The following BLVRA variants were observed in gnomAD, a reference collection of about 807,000 sequenced individuals.
The protein encoded by BLVRA is BVR A.
A neutral mutation model predicts 32.8 loss-of-function variants in BLVRA; 22 were observed. The observed-to-expected ratio is 0.67, with a 90% CI of 0.48 to 0.96. BLVRA has a LOEUF of 0.96. BLVRA is among the 40% of genes least tolerant of loss of function. The probability of loss-of-function intolerance (pLI) is 0.00; values close to 1 mark genes in which losing one functional copy is unlikely to be tolerated. For synonymous variants in BLVRA, 119 were observed against 141.3 expected (o/e 0.84, Z 1.12); for missense variants, 323 against 358.1 (o/e 0.90, Z 0.79).
chr7:43,792,669 G>A (rs1183644241), intron 4 of BLVRA, 46 bp from the exon 5 acceptor site: 1 of 1,529,582 alleles, frequency 6.5e-7, no homozygotes, highest in African/African-American at 1.4e-5. Context: ...TTTCAGTGAA[G>A]CTTATTCGAA....
At chr7:43,801,178 G>T (rs3094951) in intron 6 of BLVRA, among the ~76,000 whole-genome samples, 121,408 of 151,946 alleles carry the variant, frequency 0.8, 48,603 homozygotes, top group Admixed American at 0.85. Context: ...TTTAAAATTT[G>T]TGTAAACAGT....
At chr7:43,769,446 G>T (rs1001429612) in intron 1 of BLVRA, among the ~76,000 whole-genome samples, 26 of 152,034 alleles carry the variant, frequency 1.7e-4, no homozygotes, top group African/African-American at 6.0e-4. Flanking sequence ...CTTCTAGTAG[G>T]TTCCCTTTTT....
intron 1 of BLVRA, among the ~76,000 whole-genome samples, chr7:43,760,357 T>C (rs1427175802): frequency 6.6e-6 from 1 of 152,152 alleles, no homozygotes; most frequent in Non-Finnish European, 1.5e-5. Flanking sequence ...ACTGAAAATC[T>C]GGTAAAATAC....
At position 43,806,962 on chromosome 7, in the gene BLVRA, CTT is replaced by C. The variant is rs1349618898; in HGVS notation, c.633-12_633-11del. On this transcript the variant is annotated splice_polypyrimidine_tract_variant and intron_variant, in intron 7 of 7. Transcript: ENST00000265523. ...GTAATCTCTAACATGATTCTTTTGT[CTT>C]TTGTCTTTGCAGTCCACTGTCATGG... 6.2e-7 allele frequency: 1 copy of C among 1,613,238 alleles called. No individual in the cohort carries two copies. The highest frequency in any genetic ancestry group is 1.3e-5 in the African/African-American group (1 of 74,884).
intron 2 of BLVRA, among the ~76,000 whole-genome samples, chr7:43,771,690 G>C (rs1489201701): frequency 6.6e-6 from 1 of 152,174 alleles, no homozygotes; most frequent in Non-Finnish European, 1.5e-5. Flanking sequence ...TTTCCCACTT[G>C]TCCTGTCCAT....
chr7:43,773,143 T>G (rs977049176), intron 2 of BLVRA, among the ~76,000 whole-genome samples: 3 of 152,120 alleles, frequency 2.0e-5, no homozygotes, highest in Admixed American at 2.0e-4. Flanking sequence ...TAATTTTATT[T>G]TATTATTATT....
intron 2 of BLVRA, among the ~76,000 whole-genome samples, chr7:43,782,971 T>A (rs115355604): frequency 2.0e-3 from 309 of 151,136 alleles, no homozygotes; most frequent in African/African-American, 6.7e-3. Context: ...CTGGGGCACT[T>A]GGGGTCATTG....
At chr7:43,781,984 A>G (rs1039451864) in intron 2 of BLVRA, among the ~76,000 whole-genome samples, 3 of 152,162 alleles carry the variant, frequency 2.0e-5, no homozygotes, top group African/African-American at 7.2e-5. Context: ...AGTTTTCTCA[A>G]GAGTCCTCTC....
intron 4 of BLVRA, 83 bp from the exon 5 acceptor site, chr7:43,792,632 A>C: frequency 7.5e-7 from 1 of 1,331,968 alleles, no homozygotes; most frequent in Non-Finnish European, 1.1e-6. Flanking sequence ...TGCCTTTATA[A>C]CATTCTGTTC....
Position 43,767,570 on chromosome 7 carries a change from T to A in BLVRA, c.-21-3568T>A, listed in dbSNP as rs956419884. 2.3e-5 allele frequency: 23 copies of A among 1,005,400 alleles called. No individual in the cohort carries two copies. In the African/African-American group the frequency reaches 3.3e-4, roughly 15 times the overall value. 62.3% of individuals were successfully genotyped at this position (1,005,400 alleles called of 1,614,324 possible). A position where few individuals can be genotyped will look rare whatever the true frequency, so the allele number is the denominator to read the frequency against. The stretch of plus-strand genomic sequence containing the variant: ...GTATGTGGTCTGGAATGAAGGCTCA[T>A]GACAGTGACATGAAGGCAAACAGGA... On this transcript the variant is annotated intron_variant, in intron 1 of 7. Transcript: ENST00000265523.
At chr7:43,794,266 A>G (rs2095789365) in intron 5 of BLVRA, among the ~76,000 whole-genome samples, 1 of 152,160 alleles carries the variant, frequency 6.6e-6, no homozygotes, top group African/African-American at 2.4e-5. Context: ...AGACCTACCC[A>G]GACAAACAAA....
chr7:43,785,416 C>G (rs2095776188), intron 2 of BLVRA, among the ~76,000 whole-genome samples: 1 of 151,972 alleles, frequency 6.6e-6, no homozygotes, highest in South Asian at 2.1e-4. Flanking sequence ...CAGTTGGGCA[C>G]TGTGGCCACT....
At chr7:43,789,400 G>A (rs111695221) in intron 3 of BLVRA, among the ~76,000 whole-genome samples, 1 of 152,290 alleles carries the variant, frequency 6.6e-6, no homozygotes, top group Non-Finnish European at 1.5e-5. Flanking sequence ...AAGCACCAGG[G>A]AGACCCAGAA....
chr7:43,799,411 A>G (rs2095796284), intron 5 of BLVRA, among the ~76,000 whole-genome samples: 1 of 152,222 alleles, frequency 6.6e-6, no homozygotes, highest in East Asian at 1.9e-4. Flanking sequence ...AAATGAAAAA[A>G]TTTTTATAGA....
intron 1 of BLVRA, chr7:43,764,335 A>G (rs1011786328): frequency 2.0e-5 from 3 of 152,096 alleles, no homozygotes; most frequent in Admixed American, 2.0e-4. Context: ...TCTGCTCTCA[A>G]CCCTATTTTG....
intron 2 of BLVRA, among the ~76,000 whole-genome samples, chr7:43,773,121 CT>C (rs2095756454): frequency 6.6e-6 from 1 of 151,998 alleles, no homozygotes; most frequent in African/African-American, 2.4e-5. Context: ...TCCTATCTTT[CT>C]TTTTTTAATT....
intron 1 of BLVRA, among the ~76,000 whole-genome samples, chr7:43,759,000 T>G (rs557546196): frequency 6.6e-6 from 1 of 152,172 alleles, no homozygotes; most frequent in East Asian, 1.9e-4. Flanking sequence ...AAAAATTAAG[T>G]CTCCATTTCG....
intron 1 of BLVRA, among the ~76,000 whole-genome samples, chr7:43,761,956 C>A (rs891882639): frequency 1.3e-5 from 2 of 152,088 alleles, no homozygotes; most frequent in Non-Finnish European, 2.9e-5. Flanking sequence ...CCCAAAGTAT[C>A]CAACTCCCTC....
chr7:43,784,857 C>T (rs1301295300), intron 2 of BLVRA, among the ~76,000 whole-genome samples: 1 of 152,106 alleles, frequency 6.6e-6, no homozygotes, highest in African/African-American at 2.4e-5. Context: ...GATCCGCCCA[C>T]CTCAGCCTCC....
Sources: gnomAD v4.1 joint callset for allele counts (sites outside exome capture counted in the v4.1 genomes callset) on GRCh38, gnomAD v4.1.1 for gene constraint, MANE v1.5 for transcripts, NCBI Gene and HGNC (gene_info 2026-07-23, HGNC 2026-07-21) for gene names.